LHFPL3: variants seen among roughly 807,000 people sequenced by gnomAD.
LHFPL3 encodes the protein LHFPL tetraspan subfamily member 3 protein.
A neutral mutation model predicts 19.3 loss-of-function variants in LHFPL3; 5 were observed. The observed-to-expected ratio is 0.26, with a 90% CI of 0.14 to 0.54. The LOEUF (loss-of-function observed/expected upper bound fraction) is 0.54. LHFPL3 is among the 20% of genes least tolerant of loss of function. The pLI, the probability that LHFPL3 is intolerant of heterozygous loss-of-function variation, is 0.94. For missense variants in LHFPL3, 249 were observed against 307.4 expected (o/e 0.81, Z 1.42); for synonymous variants, 133 against 126.2 (o/e 1.05, Z -0.36).
chr7:104,567,078 A>G (rs1022044026), intron 1 of LHFPL3, among the ~76,000 whole-genome samples: 1 of 152,218 alleles, frequency 6.6e-6, no homozygotes, highest in Non-Finnish European at 1.5e-5. Flanking sequence ...CATAGCTTGA[A>G]TACAAAATAG....
chr7:104,714,129 G>T (rs1793343994), intron 1 of LHFPL3, among the ~76,000 whole-genome samples: 1 of 152,192 alleles, frequency 6.6e-6, no homozygotes, highest in Admixed American at 6.5e-5. Context: ...GAAGTTGAAA[G>T]ATGTGTAAAA....
intron 1 of LHFPL3, among the ~76,000 whole-genome samples, chr7:104,341,575 GT>G (rs1789953712): frequency 6.6e-6 from 1 of 152,230 alleles, no homozygotes; most frequent in South Asian, 2.1e-4. Context: ...GGAGATGCCA[GT>G]GAGCATCACT....
chr7:104,775,293 G>A (rs1374025136), intron 2 of LHFPL3, among the ~76,000 whole-genome samples: 1 of 152,156 alleles, frequency 6.6e-6, no homozygotes, highest in Non-Finnish European at 1.5e-5. Context: ...CTACTCAGGA[G>A]GCTGAGGAAG....
rs1044908598 is a variant in LHFPL3, at chr7:104,908,201, C to T, written c.*1986C>T. 1.3e-5 allele frequency among the ~76,000 whole-genome samples: 2 copies of T among 152,048 alleles called. No individual in the cohort carries two copies. The highest frequency in any genetic ancestry group is 2.9e-5 in the Non-Finnish European group (2 of 67,978). On this transcript the variant is annotated 3_prime_UTR_variant, in exon 3 of 3. Transcript: ENST00000424859. The stretch of plus-strand genomic sequence containing the variant: ...CCTACATCACTAACAGTGGTATGAA[C>T]AAAACTAAGAAAGTACTTCCTATCC...
At chr7:104,818,412 G>A (rs1009919246) in intron 2 of LHFPL3, among the ~76,000 whole-genome samples, 8 of 150,550 alleles carry the variant, frequency 5.3e-5, no homozygotes, top group East Asian at 1.9e-4. Context: ...AAACAGGCAC[G>A]TACCTGTAGT....
chr7:104,371,942 GA>G (rs1790624751), intron 1 of LHFPL3, among the ~76,000 whole-genome samples: 1 of 152,210 alleles, frequency 6.6e-6, no homozygotes, highest in African/African-American at 2.4e-5. Context: ...GCTGCTAGTT[GA>G]GAACATCAGA....
chr7:104,598,609 T>C (rs1383507029), intron 1 of LHFPL3, among the ~76,000 whole-genome samples: 1 of 152,212 alleles, frequency 6.6e-6, no homozygotes, highest in Non-Finnish European at 1.5e-5. Context: ...TAATGTCTGC[T>C]TATAAGAATG....
intron 1 of LHFPL3, among the ~76,000 whole-genome samples, chr7:104,552,590 T>C (rs1038119336): frequency 6.6e-6 from 1 of 152,196 alleles, no homozygotes; most frequent in Admixed American, 6.5e-5. Context: ...ACCATTGCTT[T>C]TGAGTTAAAC....
chr7:104,370,356 C>T (rs574425322), intron 1 of LHFPL3, among the ~76,000 whole-genome samples: 2 of 152,236 alleles, frequency 1.3e-5, no homozygotes, highest in African/African-American at 2.4e-5. Context: ...ATGGGAAGAT[C>T]GAGTGTCCTT....
chr7:104,674,260 C>A (rs1792544180), intron 1 of LHFPL3, among the ~76,000 whole-genome samples: 1 of 107,184 alleles, frequency 9.3e-6, no homozygotes, highest in African/African-American at 3.6e-5. Context: ...CAAAAGAGAT[C>A]CCAAGTGGAT....
chr7:104,668,777 G>A (rs1792414817), intron 1 of LHFPL3: 1 of 1,607,882 alleles, frequency 6.2e-7, no homozygotes, highest in Non-Finnish European at 8.5e-7. Context: ...TAAGGAAGAT[G>A]ATTCCTCTGC....
intron 1 of LHFPL3, among the ~76,000 whole-genome samples, chr7:104,725,140 T>C (rs1793566236): frequency 6.6e-6 from 1 of 152,246 alleles, no homozygotes; most frequent in Admixed American, 6.5e-5. Context: ...TTGCCATTCT[T>C]ATTCTCCTGT....
rs971553813 is a variant in LHFPL3 at position 104,520,915 on chromosome 7, T to C, written c.445+191691T>C. The stretch of plus-strand genomic sequence containing the variant: ...AAAAACTAGCTCCTGGATTCATTAA[T>C]TTTTTGAAGGGTTTTTTGTGTCTCT... On this transcript the variant is annotated intron_variant, in intron 1 of 2. Transcript: ENST00000424859. Among the ~76,000 whole-genome samples, 47 of 150,808 alleles carry C rather than the reference T, an allele frequency of 3.1e-4. No individual in the cohort carries two copies. The East Asian group carries it at 8.9e-3, about 29-fold the overall frequency.
rs767138278 is a variant in LHFPL3 at position 104,702,745 on chromosome 7, A to G, written c.446-33930A>G. ...ACATAGACACCTTCAATTAACCCCT[A>G]CTTTCTACTCATATCACATCTTGAA... is the stretch of plus-strand genomic sequence containing the variant. On this transcript the variant is annotated intron_variant, in intron 1 of 2. Coordinates refer to ENST00000424859, the MANE Select transcript of LHFPL3 (RefSeq NM_199000.3). 2.0e-5 allele frequency among the ~76,000 whole-genome samples: 3 copies of G among 152,248 alleles called. No homozygotes were observed. The South Asian group carries it at 6.2e-4, about 32-fold the overall frequency.
At chr7:104,558,657 T>C (rs1192894828) in intron 1 of LHFPL3, among the ~76,000 whole-genome samples, 23 of 151,042 alleles carry the variant, frequency 1.5e-4, no homozygotes, top group Admixed American at 1.5e-3. Flanking sequence ...GTAGTTTCTT[T>C]TGCTGTGCAG....
chr7:104,788,776 T>C (rs1022111582), intron 2 of LHFPL3, among the ~76,000 whole-genome samples: 4 of 152,226 alleles, frequency 2.6e-5, no homozygotes, highest in Non-Finnish European at 4.4e-5. Context: ...AGGAGAGTTA[T>C]CTAAATCAAA....
At chr7:104,654,943 A>G (rs1792096441) in intron 1 of LHFPL3, among the ~76,000 whole-genome samples, 2 of 152,116 alleles carry the variant, frequency 1.3e-5, no homozygotes, top group Non-Finnish European at 2.9e-5. Context: ...CCAAGTACAA[A>G]TTATTGTCTT....
chr7:104,526,433 C>T (rs1181862309), intron 1 of LHFPL3, among the ~76,000 whole-genome samples: 1 of 152,174 alleles, frequency 6.6e-6, no homozygotes, highest in Non-Finnish European at 1.5e-5. Flanking sequence ...ATAAAAATAT[C>T]ATAGCAATCC....
chr7:104,791,799 C>A (rs561395144), intron 2 of LHFPL3, among the ~76,000 whole-genome samples: 1 of 152,206 alleles, frequency 6.6e-6, no homozygotes, highest in Admixed American at 6.5e-5. Flanking sequence ...TCTTTGTATT[C>A]TTAGATTCCA....
Sources: gnomAD v4.1 joint callset for allele counts (sites outside exome capture counted in the v4.1 genomes callset) on GRCh38, gnomAD v4.1.1 for gene constraint, MANE v1.5 for transcripts, NCBI Gene and HGNC (gene_info 2026-07-23, HGNC 2026-07-21) for gene names.